PAN3: variants seen among roughly 807,000 people sequenced by gnomAD.
The protein encoded by PAN3 is poly(A) specific ribonuclease subunit PAN3.
In PAN3, 19 loss-of-function variants were observed where a neutral mutation model predicts 96.2. The observed-to-expected ratio is 0.20, with a 90% CI of 0.14 to 0.29. PAN3 has a LOEUF of 0.29. Ranked by LOEUF, PAN3 falls within the 10% of genes least tolerant of loss-of-function variation. The pLI, the probability that PAN3 is intolerant of heterozygous loss-of-function variation, is 1.00. For synonymous variants in PAN3, 433 were observed against 406.6 expected (o/e 1.06, Z -0.78); for missense variants, 882 against 1,108.1 (o/e 0.80, Z 2.90).
intron 5 of PAN3, among the ~76,000 whole-genome samples, chr13:28,218,442 G>T (rs1198327080): frequency 6.6e-6 from 1 of 152,132 alleles, no homozygotes; most frequent in African/African-American, 2.4e-5. Context: ...AGAAAGGAAG[G>T]AGAGTTTTAG....
At chr13:28,161,668 T>G (rs921853020) in intron 1 of PAN3, among the ~76,000 whole-genome samples, 14 of 152,184 alleles carry the variant, frequency 9.2e-5, no homozygotes, top group African/African-American at 3.4e-4. Flanking sequence ...CTTATGGAGC[T>G]TCGGAGTTAG....
At chr13:28,160,165 C>T (rs547527716) in intron 1 of PAN3, among the ~76,000 whole-genome samples, 33 of 152,272 alleles carry the variant, frequency 2.2e-4, no homozygotes, top group Admixed American at 1.6e-3. Context: ...TGGTCTCAAA[C>T]TCCTGACCTT....
intron 6 of PAN3, chr13:28,240,179 A>G (rs1378292979): frequency 1.3e-5 from 2 of 152,106 alleles, no homozygotes; most frequent in Non-Finnish European, 2.9e-5. Flanking sequence ...GATATAATGA[A>G]TTTTTACCCT....
chr13:28,285,534 G>A (rs1461559512), intron 17 of PAN3, among the ~76,000 whole-genome samples: 2 of 152,114 alleles, frequency 1.3e-5, no homozygotes, highest in African/African-American at 4.8e-5. Flanking sequence ...GGATTAACAG[G>A]TGAACCCCTT....
chr13:28,214,520 G>T (rs1048022737), intron 5 of PAN3: 1 of 273,034 alleles, frequency 3.7e-6, no homozygotes, highest in East Asian at 1.1e-4. Flanking sequence ...CAGCCAAAAT[G>T]GGAAGAGACT....
intron 5 of PAN3, among the ~76,000 whole-genome samples, chr13:28,217,063 G>A (rs568111851): frequency 2.7e-5 from 4 of 150,892 alleles, no homozygotes; most frequent in South Asian, 4.2e-4. Flanking sequence ...GCAGTGAGCC[G>A]AGATCACGCC....
At chr13:28,179,128 T>C (rs1368532333) in intron 4 of PAN3, among the ~76,000 whole-genome samples, 2 of 152,202 alleles carry the variant, frequency 1.3e-5, no homozygotes, top group Non-Finnish European at 2.9e-5. Context: ...TCTGTGGGTT[T>C]AATGGATTTC....
At chr13:28,264,926 G>A (rs549969379) in intron 9 of PAN3, among the ~76,000 whole-genome samples, 1 of 152,250 alleles carries the variant, frequency 6.6e-6, no homozygotes, top group East Asian at 1.9e-4. Flanking sequence ...CTTAAATGGC[G>A]ACTTTACCTC....
intron 5 of PAN3, among the ~76,000 whole-genome samples, chr13:28,209,840 G>T (rs1239993393): frequency 6.6e-6 from 1 of 151,836 alleles, no homozygotes; most frequent in Admixed American, 6.6e-5. Context: ...GAGTGCGGTG[G>T]CATGATCACA....
At chr13:28,199,499 A>G (rs1878446117) in intron 5 of PAN3, among the ~76,000 whole-genome samples, 1 of 152,174 alleles carries the variant, frequency 6.6e-6, no homozygotes, top group Non-Finnish European at 1.5e-5. Context: ...CTTTAAGGAC[A>G]TAAGGAATGC....
intron 9 of PAN3, among the ~76,000 whole-genome samples, chr13:28,262,358 A>G (rs1446889122): frequency 1.3e-5 from 2 of 152,236 alleles, no homozygotes; most frequent in Non-Finnish European, 2.9e-5. Context: ...CATAAATAAT[A>G]CAGTAGGAAT....
At chr13:28,216,601 C>T (rs572979557) in intron 5 of PAN3, among the ~76,000 whole-genome samples, 1 of 152,128 alleles carries the variant, frequency 6.6e-6, no homozygotes, top group South Asian at 2.1e-4. Flanking sequence ...TAAAGCAGGC[C>T]GAGCTCTTTA....
At chr13:28,225,051 G>A (rs750747169) in intron 6 of PAN3, among the ~76,000 whole-genome samples, 9 of 152,034 alleles carry the variant, frequency 5.9e-5, no homozygotes, top group Non-Finnish European at 1.5e-5. Flanking sequence ...AGGCTTTTGG[G>A]AAAATAAATC....
At chr13:28,241,991 T>C (rs1305638356) in intron 6 of PAN3, among the ~76,000 whole-genome samples, 1 of 151,908 alleles carries the variant, frequency 6.6e-6, no homozygotes, top group African/African-American at 2.4e-5. Flanking sequence ...GGATTTAGTT[T>C]GGTTATTGGA....
intron 6 of PAN3, among the ~76,000 whole-genome samples, chr13:28,226,154 T>G (rs1881982344): frequency 6.6e-6 from 1 of 152,194 alleles, no homozygotes; most frequent in Non-Finnish European, 1.5e-5. Context: ...GGCTCTACGT[T>G]AAGTCTTTCA....
rs764258992 is a variant in PAN3, at chr13:28,138,628, G to T, written c.-30G>T. The T allele has an allele frequency of 4.1e-6, 2 of 483,632 alleles. No homozygotes were observed. The highest frequency in any genetic ancestry group is 3.4e-6 in the Non-Finnish European group (1 of 297,884). 30.0% of individuals were successfully genotyped at this position (483,632 alleles called of 1,614,324 possible). ...TGGTGGCGGCGGCGGCTCCTCGGGC[G>T]GCGGCGGAAGACGAGGCTGCGGCGT... On this transcript the variant is annotated 5_prime_UTR_variant, in exon 1 of 19. Coordinates refer to ENST00000380958, the MANE Select transcript of PAN3 (RefSeq NM_175854.8).
In PAN3 at chr13:28,174,364, C is replaced by T; in HGVS notation, c.523C>T (p.Pro175Ser). Residue 175 changes from proline (P) to serine (S), a missense_variant, in exon 2 of 19, where the codon CCT becomes TCT. Physicochemically the swap from Pro to Ser is moderately conservative, Grantham distance 74. Coordinates refer to ENST00000380958, the MANE Select transcript of PAN3 (RefSeq NM_175854.8). Reference sequence around the variant, plus strand: ...TATTGGAGTCAATGGATTTGGAAGCCCTGTAGAAACAAAATATCCCCTGAT... The same window carrying T: ...TATTGGAGTCAATGGATTTGGAAGCTCTGTAGAAACAAAATATCCCCTGAT... Reference protein sequence around the residue: ...SFIGVNGFGSPVETKYPLMQR... With the variant: ...SFIGVNGFGSSVETKYPLMQR... The T allele has an allele frequency of 6.2e-7, 1 of 1,613,140 alleles. No individual in the cohort carries two copies. The highest frequency in any genetic ancestry group is 1.1e-5 in the South Asian group (1 of 91,044).
chr13:28,165,519 A>G (rs1381055575), intron 1 of PAN3, among the ~76,000 whole-genome samples: 1 of 152,138 alleles, frequency 6.6e-6, no homozygotes, highest in East Asian at 1.9e-4. Context: ...ACTTTGGGCA[A>G]GCTATAATCT....
intron 6 of PAN3, among the ~76,000 whole-genome samples, chr13:28,229,679 G>A (rs1882334137): frequency 6.6e-6 from 1 of 152,118 alleles, no homozygotes; most frequent in South Asian, 2.1e-4. Context: ...GCCATAATCT[G>A]GCAAGCTTAC....
Sources: gnomAD v4.1 joint callset for allele counts (sites outside exome capture counted in the v4.1 genomes callset) on GRCh38, gnomAD v4.1.1 for gene constraint, MANE v1.5 for transcripts, NCBI Gene and HGNC (gene_info 2026-07-23, HGNC 2026-07-21) for gene names.